Variants in GPC3 observed in about 807,000 individuals in gnomAD.
GPC3 encodes the protein glypican-3.
In GPC3, 3 loss-of-function variants were observed where a neutral mutation model predicts 34.4. That is an observed-to-expected ratio of 0.09 (90% CI 0.04 to 0.23). GPC3 has a LOEUF of 0.23. Ranked by LOEUF, GPC3 falls within the 10% of genes least tolerant of loss-of-function variation. The probability of loss-of-function intolerance (pLI) is 1.00; values close to 1 mark genes in which losing one functional copy is unlikely to be tolerated. For synonymous variants in GPC3, 177 were observed against 174.0 expected, an observed-to-expected ratio of 1.02 and a Z score of -0.13; for missense variants, 351 against 445.6, an observed-to-expected ratio of 0.79 and a Z score of 1.91.
intron 6 of GPC3, among the ~76,000 whole-genome samples, chrX:133,625,572 A>T (rs1299209954): frequency 1.8e-5 from 2 of 111,699 alleles, no homozygotes; most frequent in African/African-American, 3.3e-5. Context: ...CACAATTGCT[A>T]CAAAGAGAAT....
intron 3 of GPC3, among the ~76,000 whole-genome samples, chrX:133,720,960 AC>A (rs2071359317): frequency 9.1e-6 from 1 of 110,353 alleles, no homozygotes; most frequent in African/African-American, 3.3e-5. Context: ...TGATGGATGC[AC>A]CAAAATCTCA....
chrX:133,982,197 A>G (rs187058742), intron 1 of GPC3, among the ~76,000 whole-genome samples: 1 of 112,124 alleles, frequency 8.9e-6, no homozygotes, highest in Admixed American at 9.5e-5. Flanking sequence ...GTTAAGCAAA[A>G]CAAAATAAAC....
chrX:133,979,458 A>G (rs774966386), intron 1 of GPC3, among the ~76,000 whole-genome samples: 57 of 112,256 alleles, frequency 5.1e-4, no homozygotes, highest in African/African-American at 1.7e-3. Context: ...CTAATAATTA[A>G]CACTTGTCTA....
intron 3 of GPC3, among the ~76,000 whole-genome samples, chrX:133,752,506 G>A (rs1603240241): frequency 9.0e-6 from 1 of 111,633 alleles, no homozygotes; most frequent in Admixed American, 9.5e-5. Context: ...CAATGGTAGT[G>A]TAATATACTA....
intron 2 of GPC3, among the ~76,000 whole-genome samples, chrX:133,916,751 T>C (rs1017544585): frequency 9.0e-6 from 1 of 111,182 alleles, no homozygotes; most frequent in Admixed American, 9.6e-5. Context: ...TGATGGCACA[T>C]GCCTGTAGTC....
At chrX:133,875,826 C>T (rs1215462395) in intron 2 of GPC3, among the ~76,000 whole-genome samples, 6 of 111,195 alleles carry the variant, frequency 5.4e-5, no homozygotes, top group East Asian at 5.6e-4. Flanking sequence ...TTTCAAGATG[C>T]CTACCATAAC....
At chrX:133,914,849 G>A (rs1357480712) in intron 2 of GPC3, among the ~76,000 whole-genome samples, 1 of 86,406 alleles carries the variant, frequency 1.2e-5, no homozygotes, top group African/African-American at 4.3e-5. Flanking sequence ...AAAATAAAAA[G>A]AGAAACAAAA....
chrX:133,792,659 A>C (rs1019331697), intron 2 of GPC3, among the ~76,000 whole-genome samples: 1 of 111,570 alleles, frequency 9.0e-6, no homozygotes, highest in African/African-American at 3.3e-5. Flanking sequence ...CATCCAGTAG[A>C]GGGCCAGAAG....
chrX:133,967,001 G>T (rs1186079353), intron 1 of GPC3, among the ~76,000 whole-genome samples: 1 of 111,805 alleles, frequency 8.9e-6, no homozygotes, highest in Non-Finnish European at 1.9e-5. Context: ...CTGTGGAAGA[G>T]ATTTAATGGA....
chrX:133,886,731 C>T (rs1240157737), intron 2 of GPC3, among the ~76,000 whole-genome samples: 7 of 112,106 alleles, frequency 6.2e-5, no homozygotes, highest in Non-Finnish European at 1.3e-4. Flanking sequence ...TTTCACTTAG[C>T]GTAATGACCT....
intron 5 of GPC3, chrX:133,670,855 G>C: frequency 3.7e-6 from 1 of 271,503 alleles, no homozygotes. Flanking sequence ...GAAAAGAGCT[G>C]AGATTTGTAA....
chrX:133,848,258 T>C (rs958920526), intron 2 of GPC3, among the ~76,000 whole-genome samples: 1 of 111,516 alleles, frequency 9.0e-6, no homozygotes, highest in African/African-American at 3.3e-5. Flanking sequence ...GGTAAAGAAA[T>C]ATAGAGTGAG....
At chrX:133,672,329 G>A (rs1267582995) in intron 5 of GPC3, among the ~76,000 whole-genome samples, 1 of 112,160 alleles carries the variant, frequency 8.9e-6, no homozygotes, top group Non-Finnish European at 1.9e-5. Flanking sequence ...AGAGCCCAAA[G>A]TGTAAGCAAG....
chrX:133,880,809 G>A (rs930043362), intron 2 of GPC3, among the ~76,000 whole-genome samples: 7 of 111,569 alleles, frequency 6.3e-5, no homozygotes, highest in South Asian at 7.6e-4. Context: ...AATAAGATGA[G>A]GCAGTAGTCT....
intron 2 of GPC3, among the ~76,000 whole-genome samples, chrX:133,816,239 A>G (rs2075690869): frequency 9.0e-6 from 1 of 110,619 alleles, no homozygotes; most frequent in Non-Finnish European, 1.9e-5. Flanking sequence ...CATTTTTATA[A>G]AGACCAGGTC....
intron 6 of GPC3, among the ~76,000 whole-genome samples, chrX:133,629,118 A>C (rs2070338672): frequency 8.9e-6 from 1 of 112,321 alleles, no homozygotes; most frequent in Admixed American, 9.5e-5. Flanking sequence ...CATTCAAATA[A>C]AACCGTTATT....
At chrX:133,570,522 G>C (rs1034296406) in intron 7 of GPC3, among the ~76,000 whole-genome samples, 3 of 112,755 alleles carry the variant, frequency 2.7e-5, no homozygotes, top group Admixed American at 9.4e-5. Flanking sequence ...TTTTAAAGCA[G>C]AGGTATAAAC....
At chrX:133,547,795 AG>A (rs1363777033) in intron 7 of GPC3, among the ~76,000 whole-genome samples, 1 of 110,415 alleles carries the variant, frequency 9.1e-6, no homozygotes, top group Non-Finnish European at 1.9e-5. Context: ...CTCAGCCTAT[AG>A]GACTAAGATG....
chrX:133,906,971 G>T (rs1379591402), intron 2 of GPC3, among the ~76,000 whole-genome samples: 1 of 109,596 alleles, frequency 9.1e-6, no homozygotes, highest in Admixed American at 9.7e-5. Flanking sequence ...CGTGGTGGCG[G>T]GCGCCTGTAG....
Sources: allele counts gnomAD v4.1 joint callset (sites outside exome capture counted in the v4.1 genomes callset), GRCh38; gene constraint gnomAD v4.1.1; transcripts MANE v1.5; gene names NCBI Gene and HGNC (gene_info 2026-07-23, HGNC 2026-07-21).